FAF1: variants seen among roughly 807,000 people sequenced by gnomAD.
FAF1 encodes the protein Fas associated factor 1.
Under a neutral mutation model 92.5 loss-of-function variants are expected in FAF1, and 25 were observed. The observed-to-expected ratio is 0.27, with a 90% CI of 0.20 to 0.38. The LOEUF is 0.38. Among genes scored for constraint, FAF1 ranks in the 10% least tolerant of loss-of-function variants. The pLI is 1.00. For missense variants in FAF1, 636 were observed against 793.3 expected, an observed-to-expected ratio of 0.80 and a Z score of 2.38; for synonymous variants, 234 against 273.2, an observed-to-expected ratio of 0.86 and a Z score of 1.42.
chr1:50,762,562 C>A (rs1352862520), intron 4 of FAF1, among the ~76,000 whole-genome samples: 1 of 152,070 alleles, frequency 6.6e-6, no homozygotes, highest in Admixed American at 6.6e-5. Context: ...TGATCTTTGA[C>A]AAACCTGAGA....
At chr1:50,467,217 T>A (rs1184659953) in intron 18 of FAF1, among the ~76,000 whole-genome samples, 1 of 152,212 alleles carries the variant, frequency 6.6e-6, no homozygotes, top group Admixed American at 6.5e-5. Flanking sequence ...TACCAGCATC[T>A]GGCAGTGACC....
chr1:50,837,392 C>T (rs936165412), intron 2 of FAF1, among the ~76,000 whole-genome samples: 10 of 152,208 alleles, frequency 6.6e-5, no homozygotes, highest in African/African-American at 2.2e-4. Flanking sequence ...TTACATGCCA[C>T]TAACAATTTT....
At chr1:50,692,240 A>AGT (rs1557478161) in intron 7 of FAF1, among the ~76,000 whole-genome samples, 1 of 66,880 alleles carries the variant, frequency 1.5e-5, no homozygotes, top group South Asian at 5.8e-4. Context: ...TGAAGTATTT[A>AGT]CTGTGTGTGT....
chr1:50,540,251 T>C (rs768342089), intron 13 of FAF1, among the ~76,000 whole-genome samples: 2 of 152,060 alleles, frequency 1.3e-5, no homozygotes, highest in Admixed American at 6.6e-5. Context: ...GGATTAGAGG[T>C]GTGAGCCACT....
In FAF1 at chr1:50,624,897, C is replaced by CTTTT. The variant is rs34177866; in HGVS notation, c.745-28685_745-28682dup. On this transcript the variant is annotated intron_variant, in intron 8 of 18. Transcript: ENST00000396153. ...TTATACAGCACTAGAATCCCACACT[C>CTTTT]TTTTTTTTTTTTTTTTTTTTTGAGA... Among the ~76,000 whole-genome samples the CTTTT allele has an allele frequency of 5.4e-3, 671 of 124,716 alleles. 15 individuals are homozygous for CTTTT. Among genetic ancestry groups the CTTTT allele is most frequent in the African/African-American group, 0.02 (644 of 32,600 alleles). The allele number at this position is 124,716 out of a possible 152,430, so 81.8% of individuals were successfully genotyped here. A position where few individuals can be genotyped will look rare whatever the true frequency, so the allele number is the denominator to read the frequency against.
At chr1:50,906,276 T>C (rs145849599) in intron 1 of FAF1, among the ~76,000 whole-genome samples, 2,000 of 152,260 alleles carry the variant, frequency 0.013, 43 homozygotes, top group African/African-American at 0.044. Flanking sequence ...GTTTTGGTTA[T>C]TGTAGCTTTG....
At chr1:50,641,070 G>T (rs1287670540) in intron 8 of FAF1, among the ~76,000 whole-genome samples, 2 of 152,040 alleles carry the variant, frequency 1.3e-5, no homozygotes, top group African/African-American at 4.8e-5. Flanking sequence ...TTGACCTCAT[G>T]ATCCACCTGC....
At chr1:50,451,784 AG>A (rs1224499436) in intron 18 of FAF1, 51 of 961,384 alleles carry the variant, frequency 5.3e-5, no homozygotes, top group Middle Eastern at 1.1e-3. Context: ...GTGAGTGGAA[AG>A]AACTTACCCA....
At chr1:50,860,159 A>C (rs1028433843) in intron 1 of FAF1, among the ~76,000 whole-genome samples, 37 of 152,096 alleles carry the variant, frequency 2.4e-4, no homozygotes, top group African/African-American at 8.4e-4. Context: ...AATCTAGAAG[A>C]AAACCTAAGA....
chr1:50,495,703 T>C (rs550926149), intron 15 of FAF1, among the ~76,000 whole-genome samples: 4 of 152,342 alleles, frequency 2.6e-5, no homozygotes, highest in African/African-American at 4.8e-5. Flanking sequence ...TCCATGGTGA[T>C]TGTACTAATT....
intron 18 of FAF1, among the ~76,000 whole-genome samples, chr1:50,443,890 A>C (rs187554750): frequency 6.6e-6 from 1 of 151,794 alleles, no homozygotes; most frequent in African/African-American, 2.4e-5. Flanking sequence ...TTTCTTCCCC[A>C]CGGCCCAGCA....
At chr1:50,633,147 T>C (rs1653863169) in intron 8 of FAF1, among the ~76,000 whole-genome samples, 1 of 152,208 alleles carries the variant, frequency 6.6e-6, no homozygotes, top group African/African-American at 2.4e-5. Flanking sequence ...TGAAAGATAA[T>C]TTCTGCACTT....
intron 9 of FAF1, among the ~76,000 whole-genome samples, chr1:50,593,048 T>A (rs1424823227): frequency 6.6e-6 from 1 of 151,804 alleles, no homozygotes; most frequent in African/African-American, 2.4e-5. Context: ...CAATTACACA[T>A]ATTTCAACTT....
chr1:50,643,433 G>C (rs1654439188), intron 8 of FAF1, among the ~76,000 whole-genome samples: 1 of 151,656 alleles, frequency 6.6e-6, no homozygotes, highest in Admixed American at 6.6e-5. Flanking sequence ...CTTTTAATGG[G>C]AACTGTTTAA....
At chr1:50,776,250 C>A (rs780134413) in intron 4 of FAF1, among the ~76,000 whole-genome samples, 1 of 152,114 alleles carries the variant, frequency 6.6e-6, no homozygotes, top group Admixed American at 6.6e-5. Context: ...AGCTGTCATT[C>A]GGTTTGAAAA....
At chr1:50,833,238 T>C (rs951399041) in intron 2 of FAF1, among the ~76,000 whole-genome samples, 10 of 152,020 alleles carry the variant, frequency 6.6e-5, no homozygotes, top group African/African-American at 2.4e-4. Flanking sequence ...CCATCTTGGC[T>C]ACAAATTTGA....
At chr1:50,728,378 A>G (rs1277867441) in intron 6 of FAF1, among the ~76,000 whole-genome samples, 3 of 152,224 alleles carry the variant, frequency 2.0e-5, no homozygotes, top group Non-Finnish European at 4.4e-5. Context: ...CTGGTGAGCT[A>G]TGAGCCAGAG....
At chr1:50,702,739 A>T (rs1232280424) in intron 7 of FAF1, among the ~76,000 whole-genome samples, 1 of 152,194 alleles carries the variant, frequency 6.6e-6, no homozygotes, top group African/African-American at 2.4e-5. Context: ...AGCAGACCAC[A>T]AAGCCAGAAT....
chr1:50,742,978 T>C (rs915011324), intron 5 of FAF1, among the ~76,000 whole-genome samples: 16 of 152,218 alleles, frequency 1.1e-4, no homozygotes, highest in African/African-American at 3.9e-4. Flanking sequence ...TACATAAAAT[T>C]CAAATGTCTG....
Sources: allele counts gnomAD v4.1 joint callset (sites outside exome capture counted in the v4.1 genomes callset), GRCh38; gene constraint gnomAD v4.1.1; transcripts MANE v1.5; gene names NCBI Gene and HGNC (gene_info 2026-07-23, HGNC 2026-07-21).